BRINP1: variants seen among roughly 807,000 people sequenced by gnomAD.
BRINP1 encodes the protein BMP/retinoic acid-inducible neural-specific protein 1.
Under a neutral mutation model 72.9 loss-of-function variants are expected in BRINP1, and 17 were observed. The observed-to-expected ratio is 0.23, with a 90% confidence interval of 0.16 to 0.35. The LOEUF is 0.35. Ranked by LOEUF, BRINP1 falls within the 10% of genes least tolerant of loss-of-function variation. BRINP1 has a pLI of 1.00. For synonymous variants in BRINP1, 418 were observed against 378.5 expected (o/e 1.10, Z -1.21); for missense variants, 850 against 1,001.6 (o/e 0.85, Z 2.04).
rs923127958 is a variant in BRINP1, at chr9:119,369,301, TCTCTCG to T, written c.-302_-297del. Reference sequence around the variant, plus strand: ...GTCACTACTCCCTCTGCCTCCCGGCTCTCTCGCTCTCGCTCTCGCTGTTGCTCGCTC... The same window carrying T: ...GTCACTACTCCCTCTGCCTCCCGGCTCTCTCGCTCTCGCTGTTGCTCGCTC... On this transcript the variant is annotated 5_prime_UTR_variant, in exon 1 of 8. Transcript: ENST00000265922. The T allele has an allele frequency of 1.5e-5, 6 of 398,720 alleles. No individual in the cohort carries two copies. Among genetic ancestry groups the T allele is most frequent in the African/African-American group, 2.1e-5 (1 of 48,634 alleles). 24.7% of individuals were successfully genotyped at this position (398,720 alleles called of 1,614,324 possible).
intron 2 of BRINP1, among the ~76,000 whole-genome samples, chr9:119,307,060 T>C (rs907217251): frequency 6.6e-6 from 1 of 151,984 alleles, no homozygotes; most frequent in African/African-American, 2.4e-5. Context: ...TGAAAGTATG[T>C]TGGATAACTG....
intron 5 of BRINP1, among the ~76,000 whole-genome samples, chr9:119,226,647 C>T (rs572105911): frequency 7.2e-6 from 1 of 138,190 alleles, no homozygotes; most frequent in South Asian, 2.6e-4. Context: ...TGCTGCAAAG[C>T]CTAGTATCAT....
intron 1 of BRINP1, among the ~76,000 whole-genome samples, chr9:119,315,216 C>T (rs917081571): frequency 3.3e-5 from 5 of 151,970 alleles, no homozygotes; most frequent in Non-Finnish European, 7.4e-5. Context: ...TTTAACAAAT[C>T]GAAGGCTTGT....
chr9:119,220,440 A>G (rs1198382119), intron 5 of BRINP1, among the ~76,000 whole-genome samples: 1 of 152,182 alleles, frequency 6.6e-6, no homozygotes, highest in Non-Finnish European at 1.5e-5. Flanking sequence ...AGACCTGAAG[A>G]TTATAGCCCA....
At chr9:119,313,534 T>C (rs1444561881) in intron 1 of BRINP1, 129 bp from the exon 2 acceptor site, 1 of 766,842 alleles carries the variant, frequency 1.3e-6, no homozygotes, top group Non-Finnish European at 2.0e-6. Flanking sequence ...TTCATAATAA[T>C]ACCTTATATC....
chr9:119,169,698 A>C (rs1203356238), intron 7 of BRINP1, among the ~76,000 whole-genome samples: 2 of 152,220 alleles, frequency 1.3e-5, no homozygotes, highest in African/African-American at 2.4e-5. Flanking sequence ...AAACAAAAAG[A>C]CAGCAGTAAC....
intron 3 of BRINP1, among the ~76,000 whole-genome samples, chr9:119,246,230 T>C (rs557879356): frequency 6.6e-6 from 1 of 152,332 alleles, no homozygotes; most frequent in Non-Finnish European, 1.5e-5. Flanking sequence ...TGCAAAGTAT[T>C]GTTCCTGGGT....
chr9:119,316,992 G>A lies in BRINP1; in HGVS notation c.-50-3587C>T, dbSNP rs537960537. On this transcript the variant is annotated intron_variant, in intron 1 of 7. Transcript: ENST00000265922. The stretch of plus-strand genomic sequence containing the variant: ...TGTAGTCCCAGCTACTTGGGAGGCT[G>A]AGCCAGGAGAATCGCTTGAACCCGG... Among the ~76,000 whole-genome samples, 34 of 149,866 alleles carry A rather than the reference G, an allele frequency of 2.3e-4. 2 individuals carry two copies. Among genetic ancestry groups the A allele is most frequent in the African/African-American group, 8.4e-4 (33 of 39,200 alleles).
chr9:119,351,289 G>A (rs757703515), intron 1 of BRINP1, among the ~76,000 whole-genome samples: 5 of 152,098 alleles, frequency 3.3e-5, no homozygotes, highest in Non-Finnish European at 1.5e-5. Flanking sequence ...CACACACAGA[G>A]CTGCCCTGAT....
intron 2 of BRINP1, among the ~76,000 whole-genome samples, chr9:119,272,108 A>C (rs1830613670): frequency 7.6e-6 from 1 of 131,316 alleles, no homozygotes; most frequent in Admixed American, 7.9e-5. Flanking sequence ...AAAAAAAAAA[A>C]CAGCCTGTCA....
intron 2 of BRINP1, among the ~76,000 whole-genome samples, chr9:119,259,234 G>A (rs769613393): frequency 7.2e-5 from 11 of 152,258 alleles, no homozygotes; most frequent in Non-Finnish European, 1.6e-4. Flanking sequence ...CTCATTAGCC[G>A]AGTGAACATC....
rs375284277 is a variant in BRINP1 at position 119,295,393 on chromosome 9, A to T, written c.218+17745T>A. Among the ~76,000 whole-genome samples, 152 of 152,264 alleles carry T rather than the reference A, an allele frequency of 1.0e-3. 2 individuals are homozygous for T. The highest frequency in any genetic ancestry group is 3.5e-3 in the African/African-American group (147 of 41,540). ...ACAGAGTATACTTGCACCAACCTAGATGATATATCCTACTACACACCTAGG... is the reference window on the plus strand; with the variant it reads ...ACAGAGTATACTTGCACCAACCTAGTTGATATATCCTACTACACACCTAGG... On this transcript the variant is annotated intron_variant, in intron 2 of 7. Transcript: ENST00000265922.
intron 7 of BRINP1, among the ~76,000 whole-genome samples, chr9:119,203,541 T>C (rs1159906109): frequency 6.6e-6 from 1 of 152,194 alleles, no homozygotes; most frequent in Non-Finnish European, 1.5e-5. Context: ...AAGAAATTTA[T>C]GTAGGTTAAG....
chr9:119,193,205 C>T (rs1349440045), intron 7 of BRINP1, among the ~76,000 whole-genome samples: 2 of 152,002 alleles, frequency 1.3e-5, no homozygotes, highest in African/African-American at 2.4e-5. Flanking sequence ...ATATGGAAGG[C>T]TGACCATATG....
chr9:119,275,917 T>G (rs754080631), intron 2 of BRINP1, among the ~76,000 whole-genome samples: 4 of 152,140 alleles, frequency 2.6e-5, no homozygotes, highest in Non-Finnish European at 5.9e-5. Context: ...CCCTCTGTCC[T>G]CCCCATCTGA....
At chr9:119,323,169 C>T (rs1831206575) in intron 1 of BRINP1, among the ~76,000 whole-genome samples, 1 of 152,150 alleles carries the variant, frequency 6.6e-6, no homozygotes, top group Non-Finnish European at 1.5e-5. Context: ...ATAGAGGCCC[C>T]TCACCTCAAG....
chr9:119,184,078 C>T (rs1437714596), intron 7 of BRINP1, among the ~76,000 whole-genome samples: 1 of 152,028 alleles, frequency 6.6e-6, no homozygotes, highest in Non-Finnish European at 1.5e-5. Context: ...ACTTCCGAGC[C>T]ACAGGGGGGG....
intron 7 of BRINP1, among the ~76,000 whole-genome samples, chr9:119,178,093 G>A (rs1307328578): frequency 6.6e-6 from 1 of 152,134 alleles, no homozygotes; most frequent in Non-Finnish European, 1.5e-5. Context: ...CTATGGAGGA[G>A]ACCCTGGACA....
intron 1 of BRINP1, among the ~76,000 whole-genome samples, chr9:119,333,711 C>T (rs1488417698): frequency 6.6e-6 from 1 of 152,000 alleles, no homozygotes; most frequent in Non-Finnish European, 1.5e-5. Flanking sequence ...ATCTCATAGG[C>T]TGTGAATGTG....
Sources: gnomAD v4.1 joint callset for allele counts (sites outside exome capture counted in the v4.1 genomes callset) on GRCh38, gnomAD v4.1.1 for gene constraint, MANE v1.5 for transcripts, NCBI Gene and HGNC (gene_info 2026-07-23, HGNC 2026-07-21) for gene names.